Variants in TNK2 observed in about 807,000 individuals in gnomAD.
TNK2 encodes the protein activated CDC42 kinase 1.
In TNK2, 83 loss-of-function variants were observed where a neutral mutation model predicts 101.8. That is an observed-to-expected ratio of 0.82 (90% confidence interval 0.68 to 0.98). The LOEUF (loss-of-function observed/expected upper bound fraction) is 0.98, where lower values mean the gene tolerates loss of function less well. Among genes scored for constraint, TNK2 ranks in the 50% least tolerant of loss-of-function variants. The pLI is 0.00. For missense variants in TNK2, 1,665 were observed against 1,483.2 expected (o/e 1.12, Z -2.01); for synonymous variants, 804 against 633.0 (o/e 1.27, Z -4.06).
In TNK2 at chr3:195,866,106, A is replaced by C. The variant is rs189626146; in HGVS notation, c.3161+783T>G. ...CATATATATATTTACATAATATATA[A>C]AGTGTGTTTATATATGTATATATTT... On this transcript the variant is annotated intron_variant, in intron 15 of 15. Transcript: ENST00000672887. Among the ~76,000 whole-genome samples, 22 of 152,318 alleles carry C rather than the reference A, an allele frequency of 1.4e-4. 1 individual carries two copies. The highest frequency in any genetic ancestry group is 4.1e-4 in the African/African-American group (17 of 41,556).
intron 2 of TNK2, among the ~76,000 whole-genome samples, chr3:195,887,914 ATGCGTGCGTGCACGTGTGTGCGCATG>A (rs1756702089): frequency 7.6e-6 from 1 of 131,666 alleles, no homozygotes; most frequent in Non-Finnish European, 1.5e-5. Flanking sequence ...GTGCACGTGC[ATGCGTGCGTGCACGTGTGTGCGCATG>A]TGCGTGTGTG....
At chr3:195,892,076 C>G (rs549298792) in intron 1 of TNK2, 2 of 882,460 alleles carry the variant, frequency 2.3e-6, no homozygotes, top group African/African-American at 3.5e-5. Context: ...CCTCTAAGTC[C>G]CCCTCCAGCC....
intron 6 of TNK2, among the ~76,000 whole-genome samples, chr3:195,881,470 C>T (rs1752789238): frequency 9.0e-6 from 1 of 110,820 alleles, no homozygotes; most frequent in Non-Finnish European, 1.8e-5. Context: ...GACACAGGAT[C>T]TGTCCCTCTA....
intron 1 of TNK2, among the ~76,000 whole-genome samples, chr3:195,904,931 T>G (rs1282577105): frequency 6.6e-6 from 1 of 152,210 alleles, no homozygotes; most frequent in Non-Finnish European, 1.5e-5. Flanking sequence ...CTCCCCAAAT[T>G]GATCATAATC....
chr3:195,872,970 G>A (rs951443237), intron 9 of TNK2, among the ~76,000 whole-genome samples: 2 of 152,102 alleles, frequency 1.3e-5, no homozygotes, highest in African/African-American at 4.8e-5. Context: ...GACACCTAGG[G>A]CCTTGCACTA....
At chr3:195,870,412 C>T (rs767163687) in intron 10 of TNK2, 2 of 1,430,812 alleles carry the variant, frequency 1.4e-6, no homozygotes, top group Non-Finnish European at 1.9e-6. Context: ...CACCTGACCC[C>T]AGGATGGAAA....
At chr3:195,896,059 G>A (rs1577114838) in intron 1 of TNK2, 1 of 454,732 alleles carries the variant, frequency 2.2e-6, no homozygotes, top group African/African-American at 2.0e-5. Context: ...TGACCTCCTT[G>A]ACTTCAGAGC....
chr3:195,870,521 G>T, intron 10 of TNK2: 1 of 707,856 alleles, frequency 1.4e-6, no homozygotes, highest in Middle Eastern at 5.2e-4. Context: ...CGGCCAGAGG[G>T]CAGACACTCC....
chr3:195,869,402 C>A, intron 12 of TNK2, 95 bp downstream of exon 12: 205 of 1,188,964 alleles, frequency 1.7e-4, no homozygotes, highest in Middle Eastern at 2.7e-4. Flanking sequence ...CACCTCCCCT[C>A]CGGCCCAGCC....
At position 195,872,353 on chromosome 3, in the gene TNK2, C is replaced by T. The variant is rs200034892; in HGVS notation, c.1374G>A (p.Leu458=). ...GLSAQDISQP[L]QNSFIHTGHG... ...GCCCTGTGTGGATGAAGCTGTTCTG[C>T]AGGGGCTGGCTGATGTCCTGGGCCG... The change falls in exon 10 of 16, where the codon CTG becomes CTA. Residue 458 remains leucine, a synonymous_variant. Transcript: ENST00000672887. 5 of 1,613,382 alleles carry T rather than the reference C, an allele frequency of 3.1e-6. No individual in the cohort carries two copies. The African/African-American group carries it at 4.0e-5, about 13-fold the overall frequency.
intron 6 of TNK2, among the ~76,000 whole-genome samples, chr3:195,881,635 A>ACC (rs10707803): frequency 1.4e-4 from 4 of 29,554 alleles, no homozygotes; most frequent in African/African-American, 2.5e-4. Context: ...TCCTTGTAAC[A>ACC]CCCCCCCCCC....
chr3:195,869,052 C>T (rs1297868535), intron 12 of TNK2: 1 of 461,574 alleles, frequency 2.2e-6, no homozygotes, highest in Non-Finnish European at 3.9e-6. Flanking sequence ...AGTTAGTGAG[C>T]CCTCATCCCC....
At position 195,867,072 on chromosome 3, in the gene TNK2, G is replaced by A. The variant is rs562154066; in HGVS notation, c.3034-56C>T. Reference sequence around the variant, plus strand: ...GGGCCCAGGGCACCGACTAGGGTGGGGAAGAGGGGAGTCGGAGCCAGGGGG... The same window carrying A: ...GGGCCCAGGGCACCGACTAGGGTGGAGAAGAGGGGAGTCGGAGCCAGGGGG... On this transcript the variant is annotated intron_variant, in intron 14 of 15. Transcript: ENST00000672887. 3.7e-5 allele frequency: 60 copies of A among 1,608,734 alleles called. 2 individuals are homozygous for A. Among genetic ancestry groups the A allele is most frequent in the South Asian group, 3.4e-4 (31 of 90,990 alleles).
intron 10 of TNK2, among the ~76,000 whole-genome samples, chr3:195,871,546 G>A (rs1745322466): frequency 6.6e-6 from 1 of 152,122 alleles, no homozygotes; most frequent in African/African-American, 2.4e-5. Context: ...CAGGGTCACA[G>A]GGGGCCACAG....
chr3:195,887,764 C>T (rs927398711), intron 2 of TNK2, among the ~76,000 whole-genome samples: 2 of 140,586 alleles, frequency 1.4e-5, no homozygotes, highest in East Asian at 2.0e-4. Context: ...CGTGTGCGCA[C>T]GTGTGTGCGT....
rs770464184 is a variant in TNK2 at position 195,888,408 on chromosome 3, G to A, written c.163+18C>T. The stretch of plus-strand genomic sequence containing the variant: ...AAAGGGTCAGGGGCAAGACAAGCCA[G>A]GCCAACATCCCACCTACCAGGCCGA... On this transcript the variant is annotated intron_variant, in intron 2 of 15. Coordinates refer to ENST00000672887, the MANE Select transcript of TNK2 (RefSeq NM_001382273.1). The surrounding 1 kb of genome is among the most constrained non-coding windows in gnomAD (Gnocchi z 5.3). 3 of 1,609,986 alleles carry A rather than the reference G, an allele frequency of 1.9e-6. No homozygotes were observed. The highest frequency in any genetic ancestry group is 2.2e-5 in the South Asian group (2 of 90,792).
chr3:195,864,263 T>C (rs1236258585), intron 15 of TNK2, 76 bp from the exon 16 acceptor site: 7 of 1,559,876 alleles, frequency 4.5e-6, no homozygotes, highest in Non-Finnish European at 6.2e-6. Flanking sequence ...GGGGTCACAC[T>C]GGTGCCAGGC....
At position 195,878,483 on chromosome 3, in the gene TNK2, C is replaced by T; in HGVS notation, c.1124G>A (p.Arg375Lys). The T allele has an allele frequency of 6.2e-7, 1 of 1,613,990 alleles. No individual in the cohort carries two copies. Among genetic ancestry groups the T allele is most frequent in the Non-Finnish European group, 8.5e-7 (1 of 1,180,044 alleles). ...VQCWAHKPED[R>K]PTFVALRDFL... The stretch of plus-strand genomic sequence containing the variant: ...GTCCCGCAGGGCCACAAACGTGGGT[C>T]TGTCCTCTGGCTTGTGAGCCCAGCA... Residue 375 changes from arginine to lysine, a missense_variant, in exon 8 of 16, where the codon AGA becomes AAA. Transcript: ENST00000672887. The surrounding 1 kb of genome is among the most constrained non-coding windows in gnomAD (Gnocchi z 4.7).
In TNK2 at chr3:195,885,434, G is replaced by C. The variant is rs913822279; in HGVS notation, c.235-401C>G. 4 of 1,328,156 alleles carry C rather than the reference G, an allele frequency of 3.0e-6. No homozygotes were observed. Among genetic ancestry groups the C allele is most frequent in the Non-Finnish European group, 3.9e-6 (4 of 1,014,666 alleles). The allele number at this position is 1,328,156 out of a possible 1,614,324, so 82.3% of individuals were successfully genotyped here. ...TAACCCGCATCGATGGAGCCGCAGG[G>C]GCCCTCCACAGACACCTCCTTGTCC... On this transcript the variant is annotated intron_variant, in intron 3 of 15. Transcript: ENST00000672887. This position sits in a 1 kb window ranked among gnomAD's most constrained non-coding sequence, Gnocchi z 4.7.
Sources: allele counts gnomAD v4.1 joint callset (sites outside exome capture counted in the v4.1 genomes callset), GRCh38; gene constraint gnomAD v4.1.1; non-coding constraint Gnocchi (gnomAD v3.1); transcripts MANE v1.5; gene names NCBI Gene and HGNC (gene_info 2026-07-23, HGNC 2026-07-21).